MKRN1: variants seen among roughly 807,000 people sequenced by gnomAD.
MKRN1 encodes E3 ubiquitin-protein ligase makorin-1.
A neutral mutation model predicts 55.5 loss-of-function variants in MKRN1; 9 were observed. The ratio of observed to expected loss-of-function variants is 0.16; its 90% CI spans 0.10 to 0.28. The LOEUF is 0.28. Among genes scored for constraint, MKRN1 ranks in the 10% least tolerant of loss-of-function variants. The pLI is 1.00. For synonymous variants in MKRN1, 253 were observed against 235.9 expected (o/e 1.07, Z -0.66); for missense variants, 488 against 626.7 (o/e 0.78, Z 2.36).
intron 4 of MKRN1, among the ~76,000 whole-genome samples, chr7:140,457,674 G>T (rs1452030206): frequency 6.6e-6 from 1 of 151,734 alleles, no homozygotes; most frequent in Non-Finnish European, 1.5e-5. Context: ...CTCCAGCCTG[G>T]GGGACAAAGC....
Position 140,464,062 on chromosome 7 carries a change from T to C in MKRN1, c.315-4126A>G, listed in dbSNP as rs375019294. 6.6e-5 allele frequency among the ~76,000 whole-genome samples: 10 copies of C among 151,986 alleles called. No individual in the cohort carries two copies. In the East Asian group the frequency reaches 1.8e-3, roughly 27 times the overall value. On this transcript the variant is annotated intron_variant, in intron 2 of 7. Coordinates refer to ENST00000255977, the MANE Select transcript of MKRN1 (RefSeq NM_013446.4). ...CCTCCCAAGTAGCTGGGATTGCAGA[T>C]GCGGCACCACCAAGCCCAGCTAATT...
At chr7:140,477,376 A>T (rs1279212146) in intron 1 of MKRN1, among the ~76,000 whole-genome samples, 1 of 151,634 alleles carries the variant, frequency 6.6e-6, no homozygotes, top group Non-Finnish European at 1.5e-5. Context: ...GGCTGGAGTG[A>T]AGTGGTGTGA....
chr7:140,476,968 AG>A (rs1464072985), intron 1 of MKRN1, among the ~76,000 whole-genome samples: 1 of 151,964 alleles, frequency 6.6e-6, no homozygotes, highest in Non-Finnish European at 1.5e-5. Flanking sequence ...CTGTAATCCC[AG>A]CTACTAAGGC....
At chr7:140,470,652 A>T (rs1381728404) in intron 2 of MKRN1, among the ~76,000 whole-genome samples, 1 of 151,540 alleles carries the variant, frequency 6.6e-6, no homozygotes, top group Non-Finnish European at 1.5e-5. Context: ...ACTGTGTCTC[A>T]CACCTGTAAT....
At chr7:140,469,040 CTA>C (rs1216675225) in intron 2 of MKRN1, among the ~76,000 whole-genome samples, 1 of 152,086 alleles carries the variant, frequency 6.6e-6, no homozygotes, top group Non-Finnish European at 1.5e-5. Context: ...TTAAAATTGA[CTA>C]TGACTATGGC....
chr7:140,476,471 CAAAAAAAA>C (rs59392050), intron 1 of MKRN1, among the ~76,000 whole-genome samples: 3 of 72,572 alleles, frequency 4.1e-5, no homozygotes, highest in Non-Finnish European at 2.5e-5. Flanking sequence ...CACTCCATCT[CAAAAAAAA>C]AAAAAAAAAA....
intron 1 of MKRN1, 190 bp from the exon 2 acceptor site, chr7:140,472,201 A>G: frequency 1.4e-6 from 1 of 697,830 alleles, no homozygotes; most frequent in Non-Finnish European, 2.3e-6. Flanking sequence ...TGAGTGGCTC[A>G]CCTGAGGTCA....
chr7:140,471,938 T>C lies in MKRN1; in HGVS notation c.259A>G (p.Ser87Gly). 6.2e-7 allele frequency: 1 copy of C among 1,614,106 alleles called. No individual in the cohort carries two copies. The highest frequency in any genetic ancestry group is 8.5e-7 in the Non-Finnish European group (1 of 1,180,026). ...YSHDLSDSPY[S>G]VVCKYFQRGY... is the part of the protein sequence containing the mutation. ...CGCTGAAAATACTTGCACACTACACTATACGGACTGTCAGAGAGGTCATGC... is the reference window on the plus strand; with the variant it reads ...CGCTGAAAATACTTGCACACTACACCATACGGACTGTCAGAGAGGTCATGC... The change falls in exon 2 of 8, where the codon AGT (serine) becomes GGT (glycine). Residue 87 changes from serine to glycine, a missense_variant. Physicochemically the swap from Ser to Gly is moderately conservative, Grantham distance 56 (BLOSUM62 0). Transcript: ENST00000255977.
In MKRN1 at chr7:140,461,510, G is replaced by A. The variant is rs1467723618; in HGVS notation, c.315-1574C>T. 3.3e-5 allele frequency among the ~76,000 whole-genome samples: 5 copies of A among 152,068 alleles called. 1 individual carries two copies. The Middle Eastern group carries it at 9.5e-3, about 289-fold the overall frequency. On this transcript the variant is annotated intron_variant, in intron 2 of 7. Transcript: ENST00000255977. The stretch of plus-strand genomic sequence containing the variant: ...TATCCGGGCATGGTGGCGCACACCT[G>A]TAATACCAGCTACTCAGGAGAGGCT...
chr7:140,474,017 G>GAAAGAA (rs1554450318), intron 1 of MKRN1, among the ~76,000 whole-genome samples: 2 of 43,406 alleles, frequency 4.6e-5, no homozygotes, highest in Admixed American at 3.4e-4. Flanking sequence ...AAGAAAGAAA[G>GAAAGAA]AAAGAAAGAA....
chr7:140,461,443 G>A (rs1251452349), intron 2 of MKRN1, among the ~76,000 whole-genome samples: 1 of 152,118 alleles, frequency 6.6e-6, no homozygotes, highest in Non-Finnish European at 1.5e-5. Context: ...AGGAGTGTAA[G>A]ACCAGCCTGG....
intron 2 of MKRN1, among the ~76,000 whole-genome samples, chr7:140,470,303 G>T (rs1231721933): frequency 2.6e-5 from 4 of 151,836 alleles, no homozygotes; most frequent in Admixed American, 2.0e-4. Context: ...AACAATACTG[G>T]GCTAGGCACC....
chr7:140,472,682 C>T (rs1457933051), intron 1 of MKRN1, among the ~76,000 whole-genome samples: 1 of 151,490 alleles, frequency 6.6e-6, no homozygotes, highest in Non-Finnish European at 1.5e-5. Flanking sequence ...GCCACTGCGC[C>T]TGGCCCTTGT....
chr7:140,470,158 T>C (rs1348832037), intron 2 of MKRN1, among the ~76,000 whole-genome samples: 2 of 150,180 alleles, frequency 1.3e-5, no homozygotes, highest in Non-Finnish European at 3.0e-5. Context: ...GAGGCAGAGG[T>C]TGCAGTGAGC....
chr7:140,471,995 C>T lies in MKRN1; in HGVS notation c.202G>A (p.Val68Ile), dbSNP rs938295103. The change falls in exon 2 of 8, where the codon GTT (valine) becomes ATT (isoleucine). Residue 68 changes from valine to isoleucine, a missense_variant. Val to Ile is a conservative substitution (Grantham distance 29, BLOSUM62 3). Around this residue, in one of 2 missense-constraint regions of MKRN1, gnomAD observed 210 missense variants for 220.0 expected, o/e 0.95. Coordinates refer to ENST00000255977, the MANE Select transcript of MKRN1 (RefSeq NM_013446.4). The part of the protein sequence containing the change: ...QVTCRYFMHG[V>I]CKEGDNCRYS... The stretch of plus-strand genomic sequence containing the variant: ...CGACAGTTGTCTCCTTCCTTACAAA[C>T]CCCATGCATAAAATACCTGTGAGAC... The T allele has an allele frequency of 3.7e-6, 6 of 1,614,024 alleles. No homozygotes were observed. The highest frequency in any genetic ancestry group is 5.1e-6 in the Non-Finnish European group (6 of 1,180,044).
intron 2 of MKRN1, among the ~76,000 whole-genome samples, chr7:140,462,229 A>G (rs764267297): frequency 3.3e-5 from 5 of 151,892 alleles, no homozygotes; most frequent in Non-Finnish European, 7.4e-5. Context: ...AGGTTTCCCT[A>G]TGTTGTCCAG....
intron 7 of MKRN1, 55 bp downstream of exon 7, chr7:140,455,040 G>A: frequency 6.2e-7 from 1 of 1,603,184 alleles, no homozygotes; most frequent in Non-Finnish European, 8.5e-7. Context: ...AATATGTGCA[G>A]GACTCAACTG....
intron 1 of MKRN1, among the ~76,000 whole-genome samples, chr7:140,477,404 C>T (rs1795155929): frequency 2.0e-5 from 3 of 152,108 alleles, no homozygotes; most frequent in African/African-American, 7.2e-5. Flanking sequence ...TCACCGCAAC[C>T]TCTGCCTCCT....
chr7:140,472,422 G>C, intron 1 of MKRN1: 1 of 161,816 alleles, frequency 6.2e-6, no homozygotes, highest in Non-Finnish European at 1.3e-5. Flanking sequence ...GACAGAGCAA[G>C]ACTCCATTTC....
Sources: gnomAD v4.1 joint callset for allele counts (sites outside exome capture counted in the v4.1 genomes callset) on GRCh38, gnomAD v4.1.1 for gene constraint, gnomAD v4.1.1 regional missense constraint, MANE v1.5 for transcripts, NCBI Gene and HGNC (gene_info 2026-07-23, HGNC 2026-07-21) for gene names.